Variants in SYNJ2 observed in about 807,000 individuals in gnomAD.
SYNJ2 encodes the protein polyphosphatidylinositol phosphatase SYNJ2.
A neutral mutation model predicts 141.3 loss-of-function variants in SYNJ2; 116 were observed. That is an observed-to-expected ratio of 0.82 (90% CI 0.71 to 0.96). The LOEUF is 0.96. SYNJ2 is among the 40% of genes least tolerant of loss of function. SYNJ2 has a pLI of 0.00. For missense variants in SYNJ2, 1,873 were observed against 1,934.8 expected, an observed-to-expected ratio of 0.97 and a Z score of 0.60; for synonymous variants, 745 against 777.7, an observed-to-expected ratio of 0.96 and a Z score of 0.70.
Position 158,070,095 on chromosome 6 carries a change from T to C in SYNJ2, c.1940+422T>C, listed in dbSNP as rs2128373489. Reference sequence around the variant, plus strand: ...GTGGGCCTCTACAACTGTGACCTCATTGTCATTTCTCCAAGGTGCATGCTT... The same window carrying C: ...GTGGGCCTCTACAACTGTGACCTCACTGTCATTTCTCCAAGGTGCATGCTT... On this transcript the variant is annotated intron_variant, in intron 14 of 26. Transcript: ENST00000355585. This position sits in a 1 kb window ranked among gnomAD's most constrained non-coding sequence, Gnocchi z 4.0. 2 of 956,478 alleles carry C rather than the reference T, an allele frequency of 2.1e-6. No individual in the cohort carries two copies. Among genetic ancestry groups the C allele is most frequent in the African/African-American group, 1.8e-5 (1 of 56,748 alleles). 59.2% of individuals were successfully genotyped at this position (956,478 alleles called of 1,614,324 possible). A position where few individuals can be genotyped will look rare whatever the true frequency, so the allele number is the denominator to read the frequency against.
At chr6:158,042,401 T>C (rs1444890610) in intron 4 of SYNJ2, among the ~76,000 whole-genome samples, 4 of 152,246 alleles carry the variant, frequency 2.6e-5, no homozygotes, top group Non-Finnish European at 5.9e-5. Flanking sequence ...CTGAGCGTGA[T>C]CTCGCCTGCA....
rs79785057 is a variant in SYNJ2, at chr6:158,026,193, G to C, written c.215-2563G>C. Among the ~76,000 whole-genome samples, 832 of 152,308 alleles carry C rather than the reference G, an allele frequency of 5.5e-3. 40 individuals carry two copies. The East Asian group carries it at 0.12, about 22-fold the overall frequency. The stretch of plus-strand genomic sequence containing the variant: ...TGTGAAATGGCAGTGGTAGCCCTGA[G>C]ACAGCAGCATGGGTAAGCAGGCTGG... On this transcript the variant is annotated intron_variant, in intron 2 of 26. Coordinates refer to ENST00000355585, the MANE Select transcript of SYNJ2 (RefSeq NM_003898.4).
chr6:157,982,219 GC>G lies in SYNJ2; in HGVS notation c.127+132del. ...GGGACTGCCGGGGCGTAGGGGTCGC[GC>G]GCAGAGGGGTGGCTGTTTGAATGAA... On this transcript the variant is annotated intron_variant, in intron 1 of 26. Transcript: ENST00000355585. The surrounding 1 kb of genome is among the most constrained non-coding windows in gnomAD (Gnocchi z 4.0). 3 of 1,160,922 alleles carry G rather than the reference GC, an allele frequency of 2.6e-6. No homozygotes were observed. The highest frequency in any genetic ancestry group is 2.2e-6 in the Non-Finnish European group (2 of 919,284). 71.9% of individuals were successfully genotyped at this position (1,160,922 alleles called of 1,614,324 possible). A position where few individuals can be genotyped will look rare whatever the true frequency, so the allele number is the denominator to read the frequency against.
intron 7 of SYNJ2, among the ~76,000 whole-genome samples, chr6:158,060,894 T>C (rs1258751125): frequency 2.0e-5 from 3 of 152,200 alleles, no homozygotes; most frequent in African/African-American, 7.2e-5. Flanking sequence ...GCTGAAGACC[T>C]GGGTCATGGC....
rs1303864486 is a variant in SYNJ2 at position 158,040,286 on chromosome 6, T to G, written c.712-3030T>G. 2.0e-5 allele frequency among the ~76,000 whole-genome samples: 3 copies of G among 152,056 alleles called. No individual in the cohort carries two copies. The highest frequency in any genetic ancestry group is 4.4e-5 in the Non-Finnish European group (3 of 68,024). On this transcript the variant is annotated intron_variant, in intron 4 of 26. Transcript: ENST00000355585. The surrounding 1 kb of genome is among the most constrained non-coding windows in gnomAD (Gnocchi z 4.2). ...GTATACATGTGTGTGGTGTGTGCCTTGTGTTTGTTTTTCATGTGTATGTGT... is the reference window on the plus strand; with the variant it reads ...GTATACATGTGTGTGGTGTGTGCCTGGTGTTTGTTTTTCATGTGTATGTGT...
At chr6:158,091,055 C>G (rs350299) in intron 25 of SYNJ2, among the ~76,000 whole-genome samples, 55 of 151,912 alleles carry the variant, frequency 3.6e-4, no homozygotes, top group Non-Finnish European at 6.5e-4. Context: ...CGGTGGCTCA[C>G]GCCTGTAATC....
At chr6:158,029,368 G>A (rs1003614592) in intron 3 of SYNJ2, 1 of 155,958 alleles carries the variant, frequency 6.4e-6, no homozygotes, top group East Asian at 1.7e-4. Flanking sequence ...GGCCAACATG[G>A]TGAAAGCCCA....
intron 3 of SYNJ2, chr6:158,029,254 GA>G (rs1412673636): frequency 1.8e-5 from 9 of 509,000 alleles, no homozygotes; most frequent in Non-Finnish European, 3.0e-5. Context: ...TGTAGATTTG[GA>G]AAAGAAACCT....
At chr6:157,995,427 T>G (rs913081156) in intron 1 of SYNJ2, among the ~76,000 whole-genome samples, 1 of 152,238 alleles carries the variant, frequency 6.6e-6, no homozygotes, top group African/African-American at 2.4e-5. Context: ...ACATCCACTC[T>G]GCTGGGCCCT....
At chr6:158,068,531 A>C in intron 12 of SYNJ2, 116 bp from the exon 13 acceptor site, 2 of 1,088,196 alleles carry the variant, frequency 1.8e-6, no homozygotes, top group Non-Finnish European at 2.7e-6. Context: ...AGCCACCTGG[A>C]GTTGGACTCA....
chr6:158,069,206 G>T (rs189325866), intron 13 of SYNJ2, among the ~76,000 whole-genome samples: 2 of 152,180 alleles, frequency 1.3e-5, no homozygotes, highest in East Asian at 1.9e-4. Flanking sequence ...TCAACTGGGC[G>T]CTCCCCCCAC....
intron 2 of SYNJ2, among the ~76,000 whole-genome samples, chr6:158,023,276 A>AAT (rs1408056650): frequency 6.6e-6 from 1 of 151,872 alleles, no homozygotes; most frequent in African/African-American, 2.4e-5. Flanking sequence ...AAAAAAAAAA[A>AAT]AAAAGCAAAC....
At chr6:158,050,525 C>T (rs973275062) in intron 5 of SYNJ2, among the ~76,000 whole-genome samples, 4 of 152,246 alleles carry the variant, frequency 2.6e-5, no homozygotes, top group African/African-American at 9.6e-5. Context: ...TTGACCATGC[C>T]TGTGACAGTT....
Position 158,092,933 on chromosome 6 carries a change from C to T in SYNJ2, c.3573C>T (p.Ser1191=), listed in dbSNP as rs753695285. The T allele has an allele frequency of 1.7e-5, 27 of 1,583,362 alleles. No individual in the cohort carries two copies. Among genetic ancestry groups the T allele is most frequent in the African/African-American group, 2.8e-5 (2 of 72,562 alleles). The change falls in exon 26 of 27, where the codon TCC becomes TCT. Residue 1191 remains serine (S), a synonymous_variant. Coordinates refer to ENST00000355585, the MANE Select transcript of SYNJ2 (RefSeq NM_003898.4). ...RCLLEARGGA[S]EEALSAVAPR... The stretch of plus-strand genomic sequence containing the variant: ...TGTGGTTTTATGTTTCAGGTGCCTC[C>T]GAAGAAGCCCTAAGTGCCGTGGCCC...
At chr6:158,088,795 C>A in intron 24 of SYNJ2, 23 bp downstream of exon 24, 1 of 1,559,624 alleles carries the variant, frequency 6.4e-7, no homozygotes, top group Non-Finnish European at 8.8e-7. Context: ...GCATACATTT[C>A]AATCCCAAGG....
At chr6:157,995,014 G>T (rs1044530243) in intron 1 of SYNJ2, among the ~76,000 whole-genome samples, 3 of 152,152 alleles carry the variant, frequency 2.0e-5, no homozygotes, top group Non-Finnish European at 2.9e-5. Flanking sequence ...AGCTATATGG[G>T]CCCCAGACTG....
At chr6:158,047,561 G>A (rs766015122) in intron 5 of SYNJ2, among the ~76,000 whole-genome samples, 1 of 152,014 alleles carries the variant, frequency 6.6e-6, no homozygotes, top group Non-Finnish European at 1.5e-5. Context: ...CAGATCACTT[G>A]AGGTCAGGAG....
At chr6:158,038,389 C>T (rs1375747491) in intron 4 of SYNJ2, among the ~76,000 whole-genome samples, 1 of 152,182 alleles carries the variant, frequency 6.6e-6, no homozygotes, top group Non-Finnish European at 1.5e-5. Context: ...CGGATGCTGC[C>T]CCCGCCCCAC....
At chr6:158,079,628 C>T (rs1013078583) in intron 18 of SYNJ2, among the ~76,000 whole-genome samples, 4 of 152,136 alleles carry the variant, frequency 2.6e-5, no homozygotes, top group Admixed American at 6.5e-5. Flanking sequence ...GCCTCAGCCT[C>T]CCAAAGTACT....
Sources: gnomAD v4.1 joint callset for allele counts (sites outside exome capture counted in the v4.1 genomes callset) on GRCh38, gnomAD v4.1.1 for gene constraint, Gnocchi (gnomAD v3.1) non-coding constraint, MANE v1.5 for transcripts, NCBI Gene and HGNC (gene_info 2026-07-23, HGNC 2026-07-21) for gene names.